Variants in PTPN4 observed in about 807,000 individuals in gnomAD.
PTPN4 encodes tyrosine-protein phosphatase non-receptor type 4.
A neutral mutation model predicts 135.5 loss-of-function variants in PTPN4; 49 were observed. That is an observed-to-expected ratio of 0.36 (90% CI 0.29 to 0.46). The LOEUF (loss-of-function observed/expected upper bound fraction) is 0.46, where lower values mean the gene tolerates loss of function less well. Among genes scored for constraint, PTPN4 ranks in the 20% least tolerant of loss-of-function variants. PTPN4 has a pLI of 1.00. For synonymous variants in PTPN4, 333 were observed against 369.9 expected (o/e 0.90, Z 1.14); for missense variants, 860 against 1,101.0 (o/e 0.78, Z 3.10).
In PTPN4 at chr2:119,981,787, ATATT is replaced by A; in HGVS notation, c.*4719_*4722del. ...AATCTCTGTTTCTGCCAGAAGTTAG[ATATT>A]TTTTTATAGTCCTGATGAATTTGTT... On this transcript the variant is annotated 3_prime_UTR_variant, in exon 27 of 27. Coordinates refer to ENST00000263708, the MANE Select transcript of PTPN4 (RefSeq NM_002830.4). The A allele has an allele frequency of 6.6e-6, 1 of 152,172 alleles. No homozygotes were observed. Among genetic ancestry groups the A allele is most frequent in the South Asian group, 2.1e-4 (1 of 4,820 alleles). The allele number at this position is 152,172 out of a possible 1,614,324, so 9.4% of individuals were successfully genotyped here. A position where few individuals can be genotyped will look rare whatever the true frequency, so the allele number is the denominator to read the frequency against.
intron 2 of PTPN4, among the ~76,000 whole-genome samples, chr2:119,843,218 C>CTTTTTTTTTTTTTTTTTTTT: frequency 9.3e-6 from 1 of 107,292 alleles, no homozygotes; most frequent in Non-Finnish European, 1.9e-5. Context: ...ATGCATTTTT[C>CTTTTTTTTTTTTTTTTTTTT]TTTTTTTTTT....
chr2:119,865,885 T>TATAA (rs1677828156), intron 3 of PTPN4, among the ~76,000 whole-genome samples: 2 of 152,088 alleles, frequency 1.3e-5, no homozygotes, highest in Non-Finnish European at 2.9e-5. Context: ...GCATTTTGTT[T>TATAA]TTTTCTCCTA....
chr2:119,927,257 A>T (rs985452092), intron 13 of PTPN4, among the ~76,000 whole-genome samples: 22 of 151,270 alleles, frequency 1.5e-4, no homozygotes, highest in Non-Finnish European at 3.0e-4. Context: ...GGGATTACGC[A>T]TGCCACCACA....
At chr2:119,784,020 G>C (rs1235949124) in intron 1 of PTPN4, among the ~76,000 whole-genome samples, 2 of 151,096 alleles carry the variant, frequency 1.3e-5, no homozygotes, top group African/African-American at 2.4e-5. Flanking sequence ...CTGTTGAGCA[G>C]AGCACTTATG....
At chr2:119,892,832 C>T (rs1574390986) in intron 9 of PTPN4, among the ~76,000 whole-genome samples, 1 of 151,882 alleles carries the variant, frequency 6.6e-6, no homozygotes, top group East Asian at 1.9e-4. Context: ...AGTGATCCTC[C>T]CACCTCAGCC....
chr2:119,785,884 G>A (rs1691037794), intron 1 of PTPN4, among the ~76,000 whole-genome samples: 2 of 152,142 alleles, frequency 1.3e-5, no homozygotes, highest in South Asian at 4.1e-4. Context: ...GAGAGGTGTA[G>A]GATTCTGCAG....
chr2:119,808,266 A>C (rs1691516799), intron 1 of PTPN4, among the ~76,000 whole-genome samples: 1 of 152,228 alleles, frequency 6.6e-6, no homozygotes, highest in East Asian at 1.9e-4. Context: ...GTATTCAGTT[A>C]GGAAAAGAGG....
At chr2:119,833,634 G>C (rs1442478910) in intron 2 of PTPN4, among the ~76,000 whole-genome samples, 1 of 152,126 alleles carries the variant, frequency 6.6e-6, no homozygotes, top group Non-Finnish European at 1.5e-5. Context: ...CCTTCAGTCG[G>C]AGTTACGGAT....
chr2:119,773,358 C>T (rs578125111), intron 1 of PTPN4, among the ~76,000 whole-genome samples: 4 of 151,426 alleles, frequency 2.6e-5, no homozygotes, highest in South Asian at 2.1e-4. Context: ...ATAAATATAT[C>T]GGAAAAATTT....
intron 2 of PTPN4, among the ~76,000 whole-genome samples, chr2:119,847,275 T>TACACACACAC (rs775485671): frequency 1.7e-3 from 178 of 107,520 alleles, no homozygotes; most frequent in Non-Finnish European, 2.1e-3. Flanking sequence ...ATACTCTATA[T>TACACACACAC]ACACACACAC....
chr2:119,920,105 G>A lies in PTPN4; in HGVS notation c.865G>A (p.Val289Met), dbSNP rs959741024. ...SRETLLGFNM[V>M]NYRACKNLWK... is the part of the protein sequence containing the mutation. ...AGAAACATTATTGGGATTTAATATGGTGAATTACAGAGCATGTAAAAATTT... is the reference window on the plus strand; with the variant it reads ...AGAAACATTATTGGGATTTAATATGATGAATTACAGAGCATGTAAAAATTT... Residue 289 changes from valine (V) to methionine (M), a missense_variant, in exon 12 of 27, where the codon GTG becomes ATG. Coordinates refer to ENST00000263708, the MANE Select transcript of PTPN4 (RefSeq NM_002830.4). 1 of 1,610,714 alleles carries A rather than the reference G, an allele frequency of 6.2e-7. No homozygotes were observed. The highest frequency in any genetic ancestry group is 1.1e-5 in the South Asian group (1 of 90,040).
chr2:119,848,257 T>C (rs1041846600), intron 2 of PTPN4, among the ~76,000 whole-genome samples: 27 of 151,144 alleles, frequency 1.8e-4, no homozygotes, highest in Non-Finnish European at 3.2e-4. Flanking sequence ...CACTGCAAGC[T>C]CCGCCTCCCG....
chr2:119,943,082 C>T (rs185910429), intron 15 of PTPN4, among the ~76,000 whole-genome samples: 1 of 152,304 alleles, frequency 6.6e-6, no homozygotes, highest in East Asian at 1.9e-4. Flanking sequence ...CATTGCTGTT[C>T]ACTTGCTTCT....
At position 119,964,973 on chromosome 2, in the gene PTPN4, A is replaced by G. The variant is rs140680386; in HGVS notation, c.2410-524A>G. Among the ~76,000 whole-genome samples, 176 of 152,304 alleles carry G rather than the reference A, an allele frequency of 1.2e-3. 3 individuals carry two copies. The East Asian group carries it at 0.027, about 23-fold the overall frequency. The stretch of plus-strand genomic sequence containing the variant: ...GTTTAATGATCGCAGGGTACCGAGC[A>G]AGGAGATGGGAGGAGACCCTCAAAT... On this transcript the variant is annotated intron_variant, in intron 24 of 26. Transcript: ENST00000263708.
In PTPN4 at chr2:119,809,918, G is replaced by A. The variant is rs200544847; in HGVS notation, c.65G>A (p.Arg22Gln). ...TYNVRASELA[R>Q]DRQHTEVVCN... Reference sequence around the variant, plus strand: ...AATGTACGAGCATCAGAGTTGGCCCGAGACAGACAGCATACTGAAGTGGTT... The same window carrying A: ...AATGTACGAGCATCAGAGTTGGCCCAAGACAGACAGCATACTGAAGTGGTT... Residue 22 changes from arginine to glutamine, a missense_variant, in exon 2 of 27, where the codon CGA becomes CAA. Coordinates refer to ENST00000263708, the MANE Select transcript of PTPN4 (RefSeq NM_002830.4). The A allele has an allele frequency of 2.5e-5, 40 of 1,613,416 alleles. No individual in the cohort carries two copies. The Middle Eastern group carries it at 4.9e-4, about 20-fold the overall frequency.
chr2:119,905,974 A>G (rs1220267639), intron 10 of PTPN4, among the ~76,000 whole-genome samples: 1 of 152,210 alleles, frequency 6.6e-6, no homozygotes, highest in Non-Finnish European at 1.5e-5. Context: ...TAAGAGAGCT[A>G]TTTATAGCAA....
chr2:119,943,153 A>G (rs1026899883), intron 15 of PTPN4, among the ~76,000 whole-genome samples: 4 of 152,214 alleles, frequency 2.6e-5, no homozygotes. Context: ...CTCTCCTAGG[A>G]GAAACTTCTC....
chr2:119,783,363 T>G (rs1258848052), intron 1 of PTPN4, among the ~76,000 whole-genome samples: 6 of 152,230 alleles, frequency 3.9e-5, no homozygotes, highest in Non-Finnish European at 8.8e-5. Flanking sequence ...GAGCCCTTAC[T>G]GTAACAAAGG....
At position 119,760,376 on chromosome 2, in the gene PTPN4, T is replaced by C. The variant is rs1393511555; in HGVS notation, c.-26T>C. ...TCCAGCCGAGAGGACGCGGCTGTGA[T>C]ATACGAAGGTAAGAGGTTCTCCGGT... On this transcript the variant is annotated 5_prime_UTR_variant, in exon 1 of 27. Coordinates refer to ENST00000263708, the MANE Select transcript of PTPN4 (RefSeq NM_002830.4). 2.6e-6 allele frequency: 1 copy of C among 390,072 alleles called. No individual in the cohort carries two copies. The highest frequency in any genetic ancestry group is 2.1e-5 in the African/African-American group (1 of 48,196). The allele number at this position is 390,072 out of a possible 1,614,324, so 24.2% of individuals were successfully genotyped here. A position where few individuals can be genotyped will look rare whatever the true frequency, so the allele number is the denominator to read the frequency against.
Sources: allele counts gnomAD v4.1 joint callset (sites outside exome capture counted in the v4.1 genomes callset), GRCh38; gene constraint gnomAD v4.1.1; transcripts MANE v1.5; gene names NCBI Gene and HGNC (gene_info 2026-07-23, HGNC 2026-07-21).